Variants in ARHGAP23 observed in about 807,000 individuals in gnomAD.
The protein encoded by ARHGAP23 is rho GTPase-activating protein 23.
A neutral mutation model predicts 136.3 loss-of-function variants in ARHGAP23; 34 were observed. That is an observed-to-expected ratio of 0.25 (90% confidence interval 0.19 to 0.33). ARHGAP23 has a LOEUF of 0.33. Among genes scored for constraint, ARHGAP23 ranks in the 10% least tolerant of loss-of-function variants. ARHGAP23 has a pLI of 1.00. For synonymous variants in ARHGAP23, 832 were observed against 920.5 expected (o/e 0.90, Z 1.74); for missense variants, 1,808 against 2,139.0 (o/e 0.85, Z 3.05).
At position 38,460,942 on chromosome 17, in the gene ARHGAP23, G is replaced by A. The variant is rs1339226854; in HGVS notation, c.253+10G>A. On this transcript the variant is annotated intron_variant, in intron 3 of 23. Coordinates refer to ENST00000622683, the MANE Select transcript of ARHGAP23 (RefSeq NM_001199417.2). ...GGAGGCCGTGGAGGAGGTAAGGGAG[G>A]ACTGGCGGGCGCTGGACCTGCACGG... is the stretch of plus-strand genomic sequence containing the variant. The A allele has an allele frequency of 6.5e-7, 1 of 1,535,786 alleles. No homozygotes were observed. The highest frequency in any genetic ancestry group is 1.4e-5 in the African/African-American group (1 of 73,000).
rs1181343672 is a variant in ARHGAP23, at chr17:38,486,062, C to T, written c.2908C>T (p.Arg970Cys). Reference protein sequence around the residue: ...GPGDINLQDERWQDLNVISSL... With the variant: ...GPGDINLQDECWQDLNVISSL... ...GCCTGACATCTGACCCCTCCCCCAG[C>T]GCTGGCAAGACCTCAATGTGATCAG... The change falls in exon 17 of 24, where the codon CGC becomes TGC. Residue 970 changes from arginine (R) to cysteine (C), a missense_variant and splice_region_variant. Physicochemically the swap from Arg to Cys is radical, Grantham distance 180. Transcript: ENST00000622683. 16 of 1,550,876 alleles carry T rather than the reference C, an allele frequency of 1.0e-5. No individual in the cohort carries two copies. Among genetic ancestry groups the T allele is most frequent in the South Asian group, 3.6e-5 (3 of 84,036 alleles).
chr17:38,460,925 T>G lies in ARHGAP23; in HGVS notation c.246T>G (p.Arg82=). 6.5e-7 allele frequency: 1 copy of G among 1,535,972 alleles called. No homozygotes were observed. Among genetic ancestry groups the G allele is most frequent in the Admixed American group, 2.0e-5 (1 of 50,986 alleles). Residue 82 remains arginine (R), a synonymous_variant, in exon 3 of 24, where the codon CGT becomes CGG. Transcript: ENST00000622683. The stretch of plus-strand genomic sequence containing the variant: ...TGCAGGAGGAAGAGAATGGAGGCCG[T>G]GGAGGAGGTAAGGGAGGACTGGCGG... ...CSLKEEENGG[R]GGGPSPRYRL...
At chr17:38,428,743 G>T (rs978187769) in intron 1 of ARHGAP23, among the ~76,000 whole-genome samples, 195 bp downstream of exon 1, 1 of 152,178 alleles carries the variant, frequency 6.6e-6, no homozygotes, top group East Asian at 1.9e-4. Flanking sequence ...GCTGTCCGGG[G>T]TAGAGGGGTG....
intron 4 of ARHGAP23, 67 bp from the exon 5 acceptor site, chr17:38,463,051 G>A (rs767978482): frequency 1.9e-6 from 3 of 1,540,652 alleles, no homozygotes; most frequent in African/African-American, 1.4e-5. Flanking sequence ...GCCATGCCTG[G>A]TACAGGGGTT....
At chr17:38,456,366 C>A (rs1416075508) in intron 1 of ARHGAP23, among the ~76,000 whole-genome samples, 3 of 152,184 alleles carry the variant, frequency 2.0e-5, no homozygotes, top group African/African-American at 7.2e-5. Flanking sequence ...GACATTTGAG[C>A]TTTCTCCAGC....
rs146432916 is a variant in ARHGAP23, at chr17:38,446,280, C to T, written c.64-11822C>T. On this transcript the variant is annotated intron_variant, in intron 1 of 23. Transcript: ENST00000622683. ...GTTCAAGTAATCCTCCCACCTCAGC[C>T]TCCCAAAGTGCTGGGATTACAGGTG... is the stretch of plus-strand genomic sequence containing the variant. 4.1e-3 allele frequency among the ~76,000 whole-genome samples: 622 copies of T among 151,504 alleles called. 2 individuals are homozygous for T. The highest frequency in any genetic ancestry group is 0.014 in the African/African-American group (594 of 41,262).
At chr17:38,495,391 C>G (rs1351421245) in intron 20 of ARHGAP23, among the ~76,000 whole-genome samples, 1 of 152,096 alleles carries the variant, frequency 6.6e-6, no homozygotes, top group Non-Finnish European at 1.5e-5. Flanking sequence ...TGCCACCATG[C>G]CGGGCTAATT....
chr17:38,489,835 A>T (rs940823246), intron 17 of ARHGAP23: 1 of 416,668 alleles, frequency 2.4e-6, no homozygotes, highest in Non-Finnish European at 4.4e-6. Context: ...TTCTGGGATC[A>T]GCATGCAGCT....
chr17:38,481,083 C>G (rs1433663576), intron 14 of ARHGAP23, among the ~76,000 whole-genome samples: 2 of 152,102 alleles, frequency 1.3e-5, no homozygotes, highest in African/African-American at 4.8e-5. Flanking sequence ...TCAAGCGATT[C>G]TTGTGCCTCA....
chr17:38,477,984 C>T lies in ARHGAP23; in HGVS notation c.2436+88C>T, dbSNP rs1448355724. On this transcript the variant is annotated intron_variant, in intron 12 of 23. Coordinates refer to ENST00000622683, the MANE Select transcript of ARHGAP23 (RefSeq NM_001199417.2). This position sits in a 1 kb window ranked among gnomAD's most constrained non-coding sequence, Gnocchi z 6.6. ...GACCTGGGATGCCCGCTCTGAGCCT[C>T]ACTTCCCTCTGCTAGAAAGGGGGGC... is the stretch of plus-strand genomic sequence containing the variant. 4 of 1,353,194 alleles carry T rather than the reference C, an allele frequency of 3.0e-6. No individual in the cohort carries two copies. The highest frequency in any genetic ancestry group is 3.1e-6 in the Non-Finnish European group (3 of 973,830). 83.8% of individuals were successfully genotyped at this position (1,353,194 alleles called of 1,614,324 possible).
intron 1 of ARHGAP23, 124 bp downstream of exon 1, chr17:38,428,672 C>T (rs1003436090): frequency 2.3e-5 from 13 of 569,944 alleles, no homozygotes; most frequent in East Asian, 3.8e-5. Flanking sequence ...GCGCGGGCAC[C>T]GCGGGCACCG....
upstream of ARHGAP23, among the ~76,000 whole-genome samples, chr17:38,423,737 G>A (rs976447149): frequency 1.3e-5 from 2 of 152,076 alleles, no homozygotes; most frequent in East Asian, 3.9e-4. Context: ...ACTGTGGTGG[G>A]GGTGTTGCCT....
chr17:38,454,209 C>G, intron 1 of ARHGAP23: 1 of 153,006 alleles, frequency 6.5e-6, no homozygotes, highest in East Asian at 1.9e-4. Flanking sequence ...ACTGGGTCAC[C>G]AACTCCCTGC....
chr17:38,434,981 C>T lies in ARHGAP23; in HGVS notation c.63+6433C>T, dbSNP rs187468976. ...CTCCCTTATGCTCAAGGTGGAGGAA[C>T]TCTGTATTGTTCCTGAAAAGGGACA... On this transcript the variant is annotated intron_variant, in intron 1 of 23. Coordinates refer to ENST00000622683, the MANE Select transcript of ARHGAP23 (RefSeq NM_001199417.2). Among the ~76,000 whole-genome samples the T allele has an allele frequency of 1.8e-3, 269 of 152,314 alleles. 1 individual carries two copies. Among genetic ancestry groups the T allele is most frequent in the African/African-American group, 6.2e-3 (256 of 41,568 alleles).
intron 16 of ARHGAP23, among the ~76,000 whole-genome samples, chr17:38,484,380 T>C (rs2040114904): frequency 6.6e-6 from 1 of 151,068 alleles, no homozygotes; most frequent in African/African-American, 2.4e-5. Flanking sequence ...GGATTTGGGG[T>C]GTGGAAAGTC....
chr17:38,473,494 G>A (rs554688301), intron 11 of ARHGAP23, among the ~76,000 whole-genome samples: 1 of 152,084 alleles, frequency 6.6e-6, no homozygotes, highest in Non-Finnish European at 1.5e-5. Flanking sequence ...GGCGGGACTG[G>A]CGCTCCTCTG....
Position 38,482,553 on chromosome 17 carries a change from C to G in ARHGAP23, c.2782C>G (p.Arg928Gly), listed in dbSNP as rs1215236123. ...CCCCTTAATCGTGGCTGCATGCTGT[C>G]GCATTGTGGAGGCACGAGGGCTGGA... ...RVPLIVAACC[R>G]IVEARGLEST... Residue 928 changes from arginine to glycine, a missense_variant, in exon 16 of 24, where the codon CGC (arginine) becomes GGC (glycine). Arg to Gly is a moderately radical substitution (Grantham distance 125). This residue lies in a region of ARHGAP23 where 105 missense variants were observed against 200.6 expected (regional missense o/e 0.52). Coordinates refer to ENST00000622683, the MANE Select transcript of ARHGAP23 (RefSeq NM_001199417.2). 1 of 1,548,992 alleles carries G rather than the reference C, an allele frequency of 6.5e-7. No homozygotes were observed. Among genetic ancestry groups the G allele is most frequent in the Non-Finnish European group, 8.7e-7 (1 of 1,145,388 alleles).
intron 23 of ARHGAP23, among the ~76,000 whole-genome samples, chr17:38,501,945 G>A (rs2040531156): frequency 6.6e-6 from 1 of 151,218 alleles, no homozygotes; most frequent in African/African-American, 2.4e-5. Context: ...TTAAATATTT[G>A]AATTATTTAA....
At chr17:38,508,560 G>T (rs1321792663) in intron 23 of ARHGAP23, among the ~76,000 whole-genome samples, 2 of 152,216 alleles carry the variant, frequency 1.3e-5, no homozygotes, top group Non-Finnish European at 2.9e-5. Flanking sequence ...TCCTGCTTCA[G>T]AATGGTGGCT....
Sources: gnomAD v4.1 joint callset for allele counts (sites outside exome capture counted in the v4.1 genomes callset) on GRCh38, gnomAD v4.1.1 for gene constraint, gnomAD v4.1.1 regional missense constraint, Gnocchi (gnomAD v3.1) non-coding constraint, MANE v1.5 for transcripts, NCBI Gene and HGNC (gene_info 2026-07-23, HGNC 2026-07-21) for gene names.